The following TRDN variants were observed in gnomAD, a reference collection of about 807,000 sequenced individuals.
TRDN encodes the protein triadin in skeletal muscle.
In TRDN, 161 loss-of-function variants were observed where a neutral mutation model predicts 149.7. That is an observed-to-expected ratio of 1.08 (90% CI 0.95 to 1.23). The LOEUF is 1.23. Among genes scored for constraint, TRDN ranks in the 50% most tolerant of loss-of-function variants. TRDN has a pLI of 0.00. For synonymous variants in TRDN, 294 were observed against 250.5 expected (o/e 1.17, Z -1.64); for missense variants, 896 against 823.5 (o/e 1.09, Z -1.08).
At chr6:123,535,630 G>A (rs1476548493) in intron 4 of TRDN, among the ~76,000 whole-genome samples, 3 of 152,180 alleles carry the variant, frequency 2.0e-5, no homozygotes, top group Middle Eastern at 3.4e-3. Context: ...ATTCAATGGC[G>A]ATAGCAATGA....
chr6:123,506,319 C>G (rs1778920512), intron 7 of TRDN, among the ~76,000 whole-genome samples: 1 of 152,134 alleles, frequency 6.6e-6, no homozygotes, highest in Non-Finnish European at 1.5e-5. Context: ...CCTCCTATCT[C>G]CCATGTTACA....
intron 23 of TRDN, among the ~76,000 whole-genome samples, chr6:123,323,580 G>T (rs1489194494): frequency 1.3e-5 from 2 of 152,204 alleles, no homozygotes; most frequent in Non-Finnish European, 2.9e-5. Flanking sequence ...AATGCTTTAT[G>T]CCTAAGTCCT....
At chr6:123,501,142 A>G (rs1255761889) in intron 8 of TRDN, among the ~76,000 whole-genome samples, 1 of 152,052 alleles carries the variant, frequency 6.6e-6, no homozygotes, top group Admixed American at 6.6e-5. Flanking sequence ...TGCTTTAAGC[A>G]GAAAAAGAGA....
chr6:123,336,095 T>C (rs1300605305), intron 22 of TRDN, among the ~76,000 whole-genome samples: 1 of 151,640 alleles, frequency 6.6e-6, no homozygotes, highest in African/African-American at 2.4e-5. Context: ...TCATAGTGTA[T>C]GTCCAATGCA....
At chr6:123,279,010 A>T in intron 25 of TRDN, 46 bp downstream of exon 25, 1 of 1,549,828 alleles carries the variant, frequency 6.5e-7, no homozygotes, top group Admixed American at 1.8e-5. Context: ...TTATGTATGT[A>T]TGTACATATG....
intron 4 of TRDN, among the ~76,000 whole-genome samples, chr6:123,535,848 CT>C (rs1780501166): frequency 6.6e-6 from 1 of 152,042 alleles, no homozygotes; most frequent in African/African-American, 2.4e-5. Flanking sequence ...CTATAGTATA[CT>C]AATATAATTA....
intron 9 of TRDN, among the ~76,000 whole-genome samples, chr6:123,495,709 G>T (rs185634479): frequency 1.3e-5 from 2 of 151,956 alleles, no homozygotes; most frequent in Non-Finnish European, 1.5e-5. Flanking sequence ...ACTTGTAAGT[G>T]TTGAGAGGTT....
chr6:123,272,327 T>C (rs1163379954), intron 29 of TRDN, among the ~76,000 whole-genome samples: 3 of 151,944 alleles, frequency 2.0e-5, no homozygotes, highest in African/African-American at 7.2e-5. Flanking sequence ...AATCAGGGCT[T>C]GGGTAGCCTC....
At chr6:123,373,867 C>A (rs1781412308) in intron 19 of TRDN, among the ~76,000 whole-genome samples, 1 of 152,198 alleles carries the variant, frequency 6.6e-6, no homozygotes, top group African/African-American at 2.4e-5. Context: ...AATTTAAAGG[C>A]TTTTCAATGG....
At chr6:123,359,689 T>C (rs1194294874) in intron 20 of TRDN, among the ~76,000 whole-genome samples, 1 of 151,724 alleles carries the variant, frequency 6.6e-6, no homozygotes, top group Non-Finnish European at 1.5e-5. Context: ...GAAGGGGATT[T>C]GTTTGTTTGT....
chr6:123,477,376 G>C (rs923128646), intron 9 of TRDN, among the ~76,000 whole-genome samples: 56 of 147,734 alleles, frequency 3.8e-4, no homozygotes, highest in Non-Finnish European at 6.0e-4. Flanking sequence ...TCTCACACCA[G>C]TTAGAATGGC....
intron 9 of TRDN, among the ~76,000 whole-genome samples, chr6:123,475,409 A>G (rs1448487612): frequency 3.0e-5 from 4 of 134,100 alleles, no homozygotes; most frequent in African/African-American, 1.2e-4. Flanking sequence ...AATTGTGGCA[A>G]TAATCAATAG....
chr6:123,295,098 AGG>A (rs1437263369), intron 24 of TRDN, among the ~76,000 whole-genome samples: 2 of 152,168 alleles, frequency 1.3e-5, no homozygotes, highest in East Asian at 3.8e-4. Context: ...TAGCTAAAAC[AGG>A]GCCAGGGCAA....
intron 34 of TRDN, among the ~76,000 whole-genome samples, chr6:123,260,149 C>T (rs1018834125): frequency 4.0e-5 from 6 of 151,820 alleles, no homozygotes; most frequent in Non-Finnish European, 5.9e-5. Flanking sequence ...ATAAGCCATG[C>T]CTTTGTTAAC....
At chr6:123,309,289 A>G (rs1413965527) in intron 24 of TRDN, among the ~76,000 whole-genome samples, 1 of 151,208 alleles carries the variant, frequency 6.6e-6, no homozygotes, top group Non-Finnish European at 1.5e-5. Flanking sequence ...TAGCCATGTG[A>G]CTCCTGGAAT....
chr6:123,582,300 C>T (rs944528657), intron 1 of TRDN, among the ~76,000 whole-genome samples: 6 of 152,064 alleles, frequency 3.9e-5, no homozygotes, highest in African/African-American at 1.4e-4. Context: ...AATCAATAGA[C>T]AGGTGTGTCT....
At position 123,298,023 on chromosome 6, in the gene TRDN, T is replaced by G. The variant is rs1778266120; in HGVS notation, c.1510+18434A>C. ...AGTGTGAATAACTTCATCATAGGCT[T>G]GAAAAATATTTTTATACATAAACAT... is the stretch of plus-strand genomic sequence containing the variant. On this transcript the variant is annotated intron_variant, in intron 24 of 40. Coordinates refer to ENST00000334268, the MANE Select transcript of TRDN (RefSeq NM_006073.4). Among the ~76,000 whole-genome samples, 3 of 152,018 alleles carry G rather than the reference T, an allele frequency of 2.0e-5. No individual in the cohort carries two copies. In the South Asian group the frequency reaches 6.2e-4, roughly 31 times the overall value.
intron 38 of TRDN, among the ~76,000 whole-genome samples, chr6:123,246,330 C>T (rs956475269): frequency 2.6e-5 from 4 of 151,126 alleles, no homozygotes; most frequent in Non-Finnish European, 5.9e-5. Flanking sequence ...CAAAATAGAC[C>T]ACTAGCCAGA....
At chr6:123,446,242 G>C (rs1035016435) in intron 10 of TRDN, among the ~76,000 whole-genome samples, 3 of 151,520 alleles carry the variant, frequency 2.0e-5, no homozygotes, top group East Asian at 2.0e-4. Context: ...GTTGTGGGGT[G>C]GGGGGAGTGG....
Sources: allele counts gnomAD v4.1 joint callset (sites outside exome capture counted in the v4.1 genomes callset), GRCh38; gene constraint gnomAD v4.1.1; transcripts MANE v1.5; gene names NCBI Gene and HGNC (gene_info 2026-07-23, HGNC 2026-07-21).